Variants in AMBP observed in about 807,000 individuals in gnomAD.
AMBP encodes protein AMBP.
Under a neutral mutation model 46.3 loss-of-function variants are expected in AMBP, and 37 were observed. That is an observed-to-expected ratio of 0.80 (90% CI 0.61 to 1.05). The LOEUF (loss-of-function observed/expected upper bound fraction) is 1.05. Among genes scored for constraint, AMBP ranks in the 50% least tolerant of loss-of-function variants. The probability of loss-of-function intolerance (pLI) is 0.00; values close to 1 mark genes in which losing one functional copy is unlikely to be tolerated. For missense variants in AMBP, 475 were observed against 461.2 expected (o/e 1.03, Z -0.27); for synonymous variants, 174 against 175.9 (o/e 0.99, Z 0.09).
At chr9:114,071,207 A>G (rs1444173740) in intron 5 of AMBP, among the ~76,000 whole-genome samples, 1 of 152,170 alleles carries the variant, frequency 6.6e-6, no homozygotes, top group East Asian at 1.9e-4. Flanking sequence ...CTGCACTCTC[A>G]GGGCCCAGGA....
At chr9:114,068,781 C>G (rs1846716290) in intron 6 of AMBP, among the ~76,000 whole-genome samples, 1 of 134,248 alleles carries the variant, frequency 7.4e-6, no homozygotes, top group South Asian at 2.3e-4. Context: ...AACTGTGTGA[C>G]TGCTGATAGT....
At chr9:114,062,616 A>C (rs1029756412) in intron 7 of AMBP, 61 bp downstream of exon 7, 1 of 1,556,200 alleles carries the variant, frequency 6.4e-7, no homozygotes, top group Non-Finnish European at 8.9e-7. Context: ...AGGGTGAGCC[A>C]ACTGTGGGCC....
intron 7 of AMBP, 90 bp from the exon 8 acceptor site, chr9:114,061,681 T>G: frequency 7.2e-7 from 1 of 1,384,996 alleles, no homozygotes; most frequent in South Asian, 1.5e-5. Flanking sequence ...TCTCATTTAA[T>G]TTTCACTAAA....
chr9:114,072,825 C>T (rs559736258), intron 5 of AMBP, 100 bp downstream of exon 5: 1 of 1,044,176 alleles, frequency 9.6e-7, no homozygotes, highest in African/African-American at 1.6e-5. Flanking sequence ...GCCTTTTTAT[C>T]TCAGAGGGTT....
chr9:114,060,885 A>AG, intron 9 of AMBP, 40 bp downstream of exon 9: 1 of 1,591,346 alleles, frequency 6.3e-7, no homozygotes, highest in Non-Finnish European at 8.6e-7. Flanking sequence ...CGACTCCAAC[A>AG]GCCCCTCGGC....
At position 114,060,939 on chromosome 9, in the gene AMBP, C is replaced by T. The variant is rs1588487025; in HGVS notation, c.1013G>A (p.Gly338Asp). 1.2e-6 allele frequency: 2 copies of T among 1,614,006 alleles called. No homozygotes were observed. The highest frequency in any genetic ancestry group is 1.7e-6 in the Non-Finnish European group (2 of 1,179,932). ...GGGCTGCCTACCATCACCAGGGACA[C>T]CGCAGTACTCTCTGCACTCCTTCTC... is the stretch of plus-strand genomic sequence containing the variant. Reference protein sequence around the residue: ...YSEKECREYCGVPGDGDEELL... With the variant: ...YSEKECREYCDVPGDGDEELL... Residue 338 changes from glycine to aspartate, a missense_variant, in exon 9 of 10, where the codon GGT becomes GAT. Gly to Asp is a moderately conservative substitution (Grantham distance 94). Transcript: ENST00000265132.
At chr9:114,075,194 ATGTCT>A (rs915128617) in intron 2 of AMBP, among the ~76,000 whole-genome samples, 158 bp from the exon 3 acceptor site, 4 of 152,140 alleles carry the variant, frequency 2.6e-5, no homozygotes, top group African/African-American at 9.7e-5. Flanking sequence ...ACATTTCCAA[ATGTCT>A]TGTTTAATCC....
Position 114,060,175 on chromosome 9 carries a change from G to T in AMBP, c.*64C>A. 6.5e-7 allele frequency: 1 copy of T among 1,549,442 alleles called. No individual in the cohort carries two copies. The highest frequency in any genetic ancestry group is 8.8e-7 in the Non-Finnish European group (1 of 1,140,330). On this transcript the variant is annotated 3_prime_UTR_variant, in exon 10 of 10. Coordinates refer to ENST00000265132, the MANE Select transcript of AMBP (RefSeq NM_001633.4). Reference sequence around the variant, plus strand: ...TTTATTTGGACCCAGGTTGCTTGGCGCTGCCTGCCACAGGACCCCGGGACA... The same window carrying T: ...TTTATTTGGACCCAGGTTGCTTGGCTCTGCCTGCCACAGGACCCCGGGACA...
chr9:114,061,376 C>G (rs1846635870), intron 8 of AMBP, 48 bp downstream of exon 8: 3 of 1,610,748 alleles, frequency 1.9e-6, no homozygotes, highest in Non-Finnish European at 2.5e-6. Flanking sequence ...ACTGGAGGGA[C>G]AGGGTCTTGA....
At chr9:114,073,495 T>A (rs1846767694) in intron 4 of AMBP, among the ~76,000 whole-genome samples, 1 of 86,006 alleles carries the variant, frequency 1.2e-5, no homozygotes, top group Non-Finnish European at 2.6e-5. Context: ...CAATCCCTGT[T>A]TTTTTTTTTT....
At chr9:114,068,449 T>C (rs1264811923) in intron 6 of AMBP, among the ~76,000 whole-genome samples, 2 of 149,788 alleles carry the variant, frequency 1.3e-5, no homozygotes, top group African/African-American at 4.9e-5. Flanking sequence ...AAAAAAAAAA[T>C]ACAAAAATTA....
At position 114,072,931 on chromosome 9, in the gene AMBP, C is replaced by T; in HGVS notation, c.550G>A (p.Asp184Asn). 6.2e-7 allele frequency: 1 copy of T among 1,613,742 alleles called. No individual in the cohort carries two copies. Among genetic ancestry groups the T allele is most frequent in the Non-Finnish European group, 8.5e-7 (1 of 1,179,778 alleles). Residue 184 changes from aspartate to asparagine, a missense_variant, in exon 5 of 10, where the codon GAC (aspartate) becomes AAC (asparagine). Asp to Asn is a conservative substitution (Grantham distance 23). This residue lies in a region of AMBP where 293 missense variants were observed against 276.9 expected (regional missense o/e 1.06). Coordinates refer to ENST00000265132, the MANE Select transcript of AMBP (RefSeq NM_001633.4). Reference protein sequence around the residue: ...IPEDSIFTMADRGECVPGEQE... With the variant: ...IPEDSIFTMANRGECVPGEQE... Reference sequence around the variant, plus strand: ...GCGGAGGGGTGCTATGTACCTCGGTCAGCCATGGTGAAGATGGAGTCCTCA... The same window carrying T: ...GCGGAGGGGTGCTATGTACCTCGGTTAGCCATGGTGAAGATGGAGTCCTCA...
At chr9:114,073,493 G>GTTTTTTTT (rs59522385) in intron 4 of AMBP, among the ~76,000 whole-genome samples, 11 of 107,298 alleles carry the variant, frequency 1.0e-4, no homozygotes, top group African/African-American at 3.5e-4. Context: ...CTCAATCCCT[G>GTTTTTTTT]TTTTTTTTTT....
At chr9:114,071,834 G>C (rs994811474) in intron 5 of AMBP, among the ~76,000 whole-genome samples, 1 of 152,158 alleles carries the variant, frequency 6.6e-6, no homozygotes, top group African/African-American at 2.4e-5. Context: ...GAGAGCTGCA[G>C]CCTCAGCAGA....
chr9:114,076,555 C>G (rs756764633), intron 2 of AMBP, 43 bp downstream of exon 2: 1 of 1,603,498 alleles, frequency 6.2e-7, no homozygotes, highest in Admixed American at 1.7e-5. Context: ...GGTTGTGGGT[C>G]TCTGGGTCTC....
At chr9:114,072,803 G>A (rs1588490950) in intron 5 of AMBP, 122 bp downstream of exon 5, 1 of 749,764 alleles carries the variant, frequency 1.3e-6, no homozygotes, top group Non-Finnish European at 2.2e-6. Context: ...ACTATGGAGG[G>A]GAGGCTGTGG....
intron 6 of AMBP, among the ~76,000 whole-genome samples, chr9:114,064,733 T>C (rs1846676593): frequency 6.6e-6 from 1 of 151,484 alleles, no homozygotes; most frequent in Non-Finnish European, 1.5e-5. Flanking sequence ...AAGGAAAGGA[T>C]CCCAACTTAA....
chr9:114,074,993 C>G lies in AMBP; in HGVS notation c.304G>C (p.Asp102His), dbSNP rs780397136. Reference protein sequence around the residue: ...EETSGAYEKTDTDGKFLYHKS... With the variant: ...EETSGAYEKTHTDGKFLYHKS... ...TGATAGAGAAACTTCCCATCAGTATCTGTTTTCTCATAAGCTCCAGACGTC... is the reference window on the plus strand; with the variant it reads ...TGATAGAGAAACTTCCCATCAGTATGTGTTTTCTCATAAGCTCCAGACGTC... Residue 102 changes from aspartate to histidine, a missense_variant, in exon 3 of 10, where the codon GAT becomes CAT. Physicochemically the swap from Asp to His is moderately conservative, Grantham distance 81 (BLOSUM62 -1). Around this residue, in one of 3 missense-constraint regions of AMBP, gnomAD observed 179 missense variants for 167.4 expected, o/e 1.07. Transcript: ENST00000265132. 6.2e-7 allele frequency: 1 copy of G among 1,614,016 alleles called. No homozygotes were observed. Among genetic ancestry groups the G allele is most frequent in the Admixed American group, 1.7e-5 (1 of 59,998 alleles).
chr9:114,074,198 A>G (rs1182556730), intron 3 of AMBP, 46 bp from the exon 4 acceptor site: 1 of 1,512,500 alleles, frequency 6.6e-7, no homozygotes, highest in Non-Finnish European at 9.2e-7. Context: ...TGGTCAGTAG[A>G]CTCTTCTAGC....
Sources: allele counts gnomAD v4.1 joint callset (sites outside exome capture counted in the v4.1 genomes callset), GRCh38; gene constraint gnomAD v4.1.1; regional missense constraint gnomAD v4.1.1; transcripts MANE v1.5; gene names NCBI Gene and HGNC (gene_info 2026-07-23, HGNC 2026-07-21).